Variants in RECQL5 observed in about 807,000 individuals in gnomAD.
RECQL5 encodes the protein RecQ like helicase 5.
A neutral mutation model predicts 103.4 loss-of-function variants in RECQL5; 88 were observed. The ratio of observed to expected loss-of-function variants is 0.85; its 90% CI spans 0.72 to 1.02. RECQL5 has a LOEUF of 1.02. Among genes scored for constraint, RECQL5 ranks in the 50% least tolerant of loss-of-function variants. The pLI is 0.00. For missense variants in RECQL5, 1,232 were observed against 1,284.3 expected, an observed-to-expected ratio of 0.96 and a Z score of 0.62; for synonymous variants, 552 against 507.9, an observed-to-expected ratio of 1.09 and a Z score of -1.17.
Position 75,661,045 on chromosome 17 carries a change from GTTCT to G in RECQL5, c.892_895del (p.Thr299TrpfsTer13). 6.2e-7 allele frequency: 1 copy of G among 1,614,118 alleles called. No individual in the cohort carries two copies. On this transcript the variant is annotated frameshift_variant, in exon 6 of 20. Transcript: ENST00000317905. LOFTEE classifies it high-confidence loss of function. The stretch of plus-strand genomic sequence containing the variant: ...CTCCATCCAGTCGTTCTGCACCAGC[GTTCT>G]TTCAGAGGCCTTCAGCCCTGTAAAG...
At position 75,667,125 on chromosome 17, in the gene RECQL5, A is replaced by G. The variant is rs2148356305; in HGVS notation, c.-96T>C. The G allele has an allele frequency of 3.8e-6, 2 of 525,890 alleles. No individual in the cohort carries two copies. Among genetic ancestry groups the G allele is most frequent in the Admixed American group, 3.3e-5 (1 of 30,616 alleles). The allele number at this position is 525,890 out of a possible 1,614,324, so 32.6% of individuals were successfully genotyped here. ...TTCGAAGACCCCTATACACAACCCCAACTCAGAGAAGCCAAAGCGCTGGGA... is the reference window on the plus strand; with the variant it reads ...TTCGAAGACCCCTATACACAACCCCGACTCAGAGAAGCCAAAGCGCTGGGA... On this transcript the variant is annotated 5_prime_UTR_variant, in exon 1 of 20. Transcript: ENST00000317905.
rs535045068 is a variant in RECQL5, at chr17:75,640,565, C to T, written c.1230-8897G>A. 3.3e-5 allele frequency among the ~76,000 whole-genome samples: 5 copies of T among 152,114 alleles called. No individual in the cohort carries two copies. The highest frequency in any genetic ancestry group is 1.9e-4 in the East Asian group (1 of 5,172). Reference sequence around the variant, plus strand: ...CCCGGGATCCCAAACGCGGGGATGACGGGAGCCAGGCTTGGGCAGTGAAAG... The same window carrying T: ...CCCGGGATCCCAAACGCGGGGATGATGGGAGCCAGGCTTGGGCAGTGAAAG... On this transcript the variant is annotated intron_variant, in intron 8 of 19. Coordinates refer to ENST00000317905, the MANE Select transcript of RECQL5 (RefSeq NM_004259.7). This position sits in a 1 kb window ranked among gnomAD's most constrained non-coding sequence, Gnocchi z 4.6.
intron 7 of RECQL5, among the ~76,000 whole-genome samples, chr17:75,655,290 C>T (rs1287368774): frequency 6.6e-6 from 1 of 150,438 alleles, no homozygotes; most frequent in Non-Finnish European, 1.5e-5. Context: ...CGGCTGGTCT[C>T]GAACTACTGG....
In RECQL5 at chr17:75,636,338, G is replaced by A. The variant is rs2059321363; in HGVS notation, c.1230-4670C>T. Among the ~76,000 whole-genome samples, 2 of 152,206 alleles carry A rather than the reference G, an allele frequency of 1.3e-5. No homozygotes were observed. The highest frequency in any genetic ancestry group is 4.8e-5 in the African/African-American group (2 of 41,452). On this transcript the variant is annotated intron_variant, in intron 8 of 19. Coordinates refer to ENST00000317905, the MANE Select transcript of RECQL5 (RefSeq NM_004259.7). This position sits in a 1 kb window ranked among gnomAD's most constrained non-coding sequence, Gnocchi z 5.4. ...TTGCCCTGGTTCGCAGGTGGGAAGT[G>A]TGGTTTTGGAAGGAGTTGGGTGAAC...
In RECQL5 at chr17:75,631,505, C is replaced by G; in HGVS notation, c.1393G>C (p.Gly465Arg). 1 of 1,613,296 alleles carries G rather than the reference C, an allele frequency of 6.2e-7. No homozygotes were observed. The change falls in exon 9 of 20, where the codon GGC (glycine) becomes CGC (arginine). Residue 465 changes from glycine to arginine, a missense_variant. Coordinates refer to ENST00000317905, the MANE Select transcript of RECQL5 (RefSeq NM_004259.7). ...KTCIGPSQGNGFDPELYEGGR... is the reference protein window; with the variant it reads ...KTCIGPSQGNRFDPELYEGGR... ...CCCTCATACAGCTCGGGGTCAAAGC[C>G]GTTCCCCTGGGAGGGCCCGATGCAG...
In RECQL5 at chr17:75,628,358, C is replaced by T. The variant is rs372043569; in HGVS notation, c.2665G>A (p.Ala889Thr). The change falls in exon 18 of 20, where the codon GCC becomes ACC. Residue 889 changes from alanine to threonine, a missense_variant. Physicochemically the swap from Ala to Thr is moderately conservative, Grantham distance 58. Transcript: ENST00000317905. The stretch of plus-strand genomic sequence containing the variant: ...GGATTCAAGGTGCCCTGTTCGCTGG[C>T]CGAGACGCTGCCCTTGACCTCAGCT... ...VVAEVKGSVS[A>T]SEQGTLNPTA... The T allele has an allele frequency of 5.6e-6, 9 of 1,613,956 alleles. No homozygotes were observed. Among genetic ancestry groups the T allele is most frequent in the Non-Finnish European group, 6.8e-6 (8 of 1,180,034 alleles).
chr17:75,653,090 G>A (rs1182762220), intron 7 of RECQL5, among the ~76,000 whole-genome samples: 1 of 152,228 alleles, frequency 6.6e-6, no homozygotes, highest in Non-Finnish European at 1.5e-5. Flanking sequence ...GGGGGCACCA[G>A]TCCCTGCCAC....
intron 18 of RECQL5, 57 bp downstream of exon 18, chr17:75,628,161 C>T (rs894114351): frequency 6.9e-7 from 1 of 1,451,236 alleles, no homozygotes; most frequent in Admixed American, 1.7e-5. Flanking sequence ...CTCCCACCCC[C>T]ACTACACCCA....
Position 75,627,276 on chromosome 17 carries a change from T to C in RECQL5, c.*146A>G, listed in dbSNP as rs1245496256. The C allele has an allele frequency of 6.9e-6, 5 of 719,644 alleles. No individual in the cohort carries two copies. The East Asian group carries it at 7.5e-5, about 11-fold the overall frequency. 44.6% of individuals were successfully genotyped at this position (719,644 alleles called of 1,614,324 possible). A position where few individuals can be genotyped will look rare whatever the true frequency, so the allele number is the denominator to read the frequency against. ...TGACCTCTGACCTGGATTCAGGGGG[T>C]GTCTGGGGTCATCCCCAAAGCCAAG... On this transcript the variant is annotated 3_prime_UTR_variant, in exon 20 of 20. Transcript: ENST00000317905.
Position 75,640,170 on chromosome 17 carries a change from C to T in RECQL5, c.1230-8502G>A, listed in dbSNP as rs574299059. 366 of 1,527,160 alleles carry T rather than the reference C, an allele frequency of 2.4e-4. 1 individual carries two copies. The highest frequency in any genetic ancestry group is 2.1e-3 in the Middle Eastern group (11 of 5,236). 94.6% of individuals were successfully genotyped at this position (1,527,160 alleles called of 1,614,324 possible). ...GTGTTCTCTCTGCCCCAGCAGAGCC[C>T]GGCAGGAGCCCCAACAGGAAGCCAG... is the stretch of plus-strand genomic sequence containing the variant. On this transcript the variant is annotated intron_variant, in intron 8 of 19. Transcript: ENST00000317905. The surrounding 1 kb of genome is among the most constrained non-coding windows in gnomAD (Gnocchi z 4.6).
Position 75,640,624 on chromosome 17 carries a change from G to A in RECQL5, c.1230-8956C>T, listed in dbSNP as rs773287933. 2.6e-4 allele frequency among the ~76,000 whole-genome samples: 39 copies of A among 152,132 alleles called. No individual in the cohort carries two copies. Among genetic ancestry groups the A allele is most frequent in the Non-Finnish European group, 4.4e-4 (30 of 68,014 alleles). ...CAACATGGAGGAGGTTGGCCCTGGCGGCTGGCATGGGGACCGTCCGCACCT... is the reference window on the plus strand; with the variant it reads ...CAACATGGAGGAGGTTGGCCCTGGCAGCTGGCATGGGGACCGTCCGCACCT... On this transcript the variant is annotated intron_variant, in intron 8 of 19. Coordinates refer to ENST00000317905, the MANE Select transcript of RECQL5 (RefSeq NM_004259.7). The surrounding 1 kb of genome is among the most constrained non-coding windows in gnomAD (Gnocchi z 4.6).
chr17:75,643,486 C>T (rs2059456398), intron 8 of RECQL5, among the ~76,000 whole-genome samples: 1 of 152,250 alleles, frequency 6.6e-6, no homozygotes, highest in South Asian at 2.1e-4. Flanking sequence ...TGGCACACAC[C>T]AGGCCCGGCT....
chr17:75,658,593 G>A, intron 6 of RECQL5, 133 bp from the exon 7 acceptor site: 1 of 759,214 alleles, frequency 1.3e-6, no homozygotes, highest in Non-Finnish European at 2.1e-6. Context: ...AGTTAGAATA[G>A]TTAAGACACC....
rs1391282524 is a variant in RECQL5 at position 75,629,341 on chromosome 17, C to T, written c.2082G>A (p.Pro694=). ...CATCCAGGAGGCCACAGGGCCGGCT[C>T]GGGGGCTCGTGCTCGCCTCCCCGCT... is the stretch of plus-strand genomic sequence containing the variant. The part of the protein sequence containing the change: ...QPERGGEHEP[P]SRPCGLLDED... Residue 694 remains proline (P), a synonymous_variant, in exon 16 of 20, where the codon CCG becomes CCA. Transcript: ENST00000317905. 11 of 1,523,490 alleles carry T rather than the reference C, an allele frequency of 7.2e-6. No individual in the cohort carries two copies. Among genetic ancestry groups the T allele is most frequent in the Middle Eastern group, 1.8e-4 (1 of 5,630 alleles). The allele number at this position is 1,523,490 out of a possible 1,614,324, so 94.4% of individuals were successfully genotyped here.
At position 75,640,756 on chromosome 17, in the gene RECQL5, C is replaced by G; in HGVS notation, c.1230-9088G>C. Reference sequence around the variant, plus strand: ...GAGGGTGGGCATCCTTTCTCTCCCCCAACCTGAGTCCCGTGCTCTCTCCCG... The same window carrying G: ...GAGGGTGGGCATCCTTTCTCTCCCCGAACCTGAGTCCCGTGCTCTCTCCCG... On this transcript the variant is annotated intron_variant, in intron 8 of 19. Transcript: ENST00000317905. The surrounding 1 kb of genome is among the most constrained non-coding windows in gnomAD (Gnocchi z 4.6). The G allele has an allele frequency of 6.5e-7, 1 of 1,541,936 alleles. No homozygotes were observed. Among genetic ancestry groups the G allele is most frequent in the East Asian group, 2.5e-5 (1 of 40,668 alleles).
chr17:75,644,408 C>A (rs961174510), intron 8 of RECQL5, among the ~76,000 whole-genome samples: 1 of 151,962 alleles, frequency 6.6e-6, no homozygotes, highest in African/African-American at 2.4e-5. Context: ...GAGTTTGAGA[C>A]CAGCCTGGGC....
intron 7 of RECQL5, among the ~76,000 whole-genome samples, chr17:75,653,305 A>G (rs539368729): frequency 6.6e-6 from 1 of 152,308 alleles, no homozygotes; most frequent in East Asian, 1.9e-4. Flanking sequence ...GGCACTATAC[A>G]TTTCAAATGT....
chr17:75,635,310 C>A (rs1477938194), intron 8 of RECQL5, among the ~76,000 whole-genome samples: 4 of 152,072 alleles, frequency 2.6e-5, no homozygotes, highest in Admixed American at 2.0e-4. Flanking sequence ...GCCTGGAGAC[C>A]CCAGTGGCTG....
chr17:75,659,041 A>C (rs902902539), intron 6 of RECQL5, among the ~76,000 whole-genome samples: 9 of 152,040 alleles, frequency 5.9e-5, no homozygotes, highest in Admixed American at 5.9e-4. Context: ...CCCAGGATTC[A>C]TTTTATTTAT....
Sources: allele counts gnomAD v4.1 joint callset (sites outside exome capture counted in the v4.1 genomes callset), GRCh38; gene constraint gnomAD v4.1.1; non-coding constraint Gnocchi (gnomAD v3.1); transcripts MANE v1.5; gene names NCBI Gene and HGNC (gene_info 2026-07-23, HGNC 2026-07-21).